ABHD13: variants seen among roughly 807,000 people sequenced by gnomAD.
ABHD13 encodes the protein abhydrolase domain containing 13.
In ABHD13, 7 loss-of-function variants were observed where a neutral mutation model predicts 25.2. The observed-to-expected ratio is 0.28, with a 90% confidence interval of 0.16 to 0.52. The LOEUF (loss-of-function observed/expected upper bound fraction) is 0.52, where lower values mean the gene tolerates loss of function less well. Among genes scored for constraint, ABHD13 ranks in the 20% least tolerant of loss-of-function variants. The pLI is 0.96. For missense variants in ABHD13, 302 were observed against 402.7 expected, an observed-to-expected ratio of 0.75 and a Z score of 2.14; for synonymous variants, 133 against 136.1, an observed-to-expected ratio of 0.98 and a Z score of 0.16.
At position 108,233,492 on chromosome 13, in the gene ABHD13, C is replaced by G. The variant is rs975252716; in HGVS notation, c.*3260C>G. ...GAGATACTGAACTCTTCCACTCATT[C>G]TTCTTTCCCATTTTCCTATTATGTT... is the stretch of plus-strand genomic sequence containing the variant. On this transcript the variant is annotated 3_prime_UTR_variant, in exon 2 of 2. Coordinates refer to ENST00000375898, the MANE Select transcript of ABHD13 (RefSeq NM_032859.3). 6.6e-6 allele frequency: 1 copy of G among 152,044 alleles called. No homozygotes were observed. Among genetic ancestry groups the G allele is most frequent in the Non-Finnish European group, 1.6e-5 (1 of 61,180 alleles). The allele number at this position is 152,044 out of a possible 1,614,324, so 9.4% of individuals were successfully genotyped here. A position where few individuals can be genotyped will look rare whatever the true frequency, so the allele number is the denominator to read the frequency against.
chr13:108,228,477 A>G (rs1007280834), intron 1 of ABHD13, among the ~76,000 whole-genome samples: 1 of 152,012 alleles, frequency 6.6e-6, no homozygotes, highest in African/African-American at 2.4e-5. Context: ...TAAATCATTA[A>G]TAATTTTCTT....
Position 108,232,512 on chromosome 13 carries a change from GT to G in ABHD13, c.*2284del, listed in dbSNP as rs1879828659. On this transcript the variant is annotated 3_prime_UTR_variant, in exon 2 of 2. Coordinates refer to ENST00000375898, the MANE Select transcript of ABHD13 (RefSeq NM_032859.3). ...GGCATCATTTTTGAAAATATTTCTA[GT>G]TTTGTAGCCAAAGCAATTGGTTTTA... The G allele has an allele frequency of 6.0e-6, 1 of 166,880 alleles. No homozygotes were observed. Among genetic ancestry groups the G allele is most frequent in the South Asian group, 2.1e-4 (1 of 4,836 alleles). The allele number at this position is 166,880 out of a possible 1,614,324, so 10.3% of individuals were successfully genotyped here.
rs1451945004 is a variant in ABHD13, at chr13:108,232,268, A to G, written c.*2036A>G. The G allele has an allele frequency of 6.0e-6, 1 of 166,872 alleles. No individual in the cohort carries two copies. Among genetic ancestry groups the G allele is most frequent in the African/African-American group, 2.4e-5 (1 of 41,430 alleles). 10.3% of individuals were successfully genotyped at this position (166,872 alleles called of 1,614,324 possible). ...TTTTGATACTCCAGGTTTATAAACT[A>G]TCTTTTAAAATTTTAAGCCAGGACT... On this transcript the variant is annotated 3_prime_UTR_variant, in exon 2 of 2. Coordinates refer to ENST00000375898, the MANE Select transcript of ABHD13 (RefSeq NM_032859.3).
Position 108,233,380 on chromosome 13 carries a change from G to C in ABHD13, c.*3148G>C, listed in dbSNP as rs1040490565. 6.0e-6 allele frequency: 1 copy of C among 166,848 alleles called. No individual in the cohort carries two copies. Among genetic ancestry groups the C allele is most frequent in the African/African-American group, 2.4e-5 (1 of 41,450 alleles). 10.3% of individuals were successfully genotyped at this position (166,848 alleles called of 1,614,324 possible). On this transcript the variant is annotated 3_prime_UTR_variant, in exon 2 of 2. Transcript: ENST00000375898. ...GCTTAAGAGCAGTTTATATTAAGGA[G>C]ACCCTTTTCTCCTTGAGGATAGGGA...
intron 1 of ABHD13, among the ~76,000 whole-genome samples, chr13:108,220,964 A>G (rs1035699476): frequency 6.6e-6 from 1 of 152,244 alleles, no homozygotes; most frequent in African/African-American, 2.4e-5. Context: ...AACATTTCAG[A>G]TATTTATAAT....
At chr13:108,224,343 CTCTT>C (rs1474813624) in intron 1 of ABHD13, among the ~76,000 whole-genome samples, 2 of 152,166 alleles carry the variant, frequency 1.3e-5, no homozygotes, top group African/African-American at 4.8e-5. Flanking sequence ...TGATGACCAT[CTCTT>C]ACGGAAGAGG....
rs1566382530 is a variant in ABHD13 at position 108,231,053 on chromosome 13, T to C, written c.*821T>C. ...TGGTGGCAAAGAGAATTTTAGCTTC[T>C]ATCGATTTTGTAAGTCTTCAGCTGA... On this transcript the variant is annotated 3_prime_UTR_variant, in exon 2 of 2. Transcript: ENST00000375898. 1 of 166,788 alleles carries C rather than the reference T, an allele frequency of 6.0e-6. No homozygotes were observed. The highest frequency in any genetic ancestry group is 1.5e-5 in the Non-Finnish European group (1 of 67,972). The allele number at this position is 166,788 out of a possible 1,614,324, so 10.3% of individuals were successfully genotyped here. A position where few individuals can be genotyped will look rare whatever the true frequency, so the allele number is the denominator to read the frequency against.
At chr13:108,220,481 C>T (rs1427936907) in intron 1 of ABHD13, among the ~76,000 whole-genome samples, 1 of 152,206 alleles carries the variant, frequency 6.6e-6, no homozygotes, top group Non-Finnish European at 1.5e-5. Context: ...ATTCTGAAAT[C>T]TTTCTAATCC....
Position 108,225,786 on chromosome 13 carries a change from T to C in ABHD13, c.-20-3413T>C, listed in dbSNP as rs181016542. 7.2e-3 allele frequency among the ~76,000 whole-genome samples: 1,098 copies of C among 152,254 alleles called. 15 individuals carry two copies. The highest frequency in any genetic ancestry group is 8.7e-3 in the Non-Finnish European group (590 of 68,030). ...GTTAAAAATACATACAATAATGATG[T>C]AAAAGAAGACTGGAAGATGAGAAGT... On this transcript the variant is annotated intron_variant, in intron 1 of 1. Coordinates refer to ENST00000375898, the MANE Select transcript of ABHD13 (RefSeq NM_032859.3).
In ABHD13 at chr13:108,228,421, C is replaced by T. The variant is rs117777356; in HGVS notation, c.-20-778C>T. 6.6e-3 allele frequency among the ~76,000 whole-genome samples: 1,005 copies of T among 151,972 alleles called. 9 individuals carry two copies. Among genetic ancestry groups the T allele is most frequent in the Non-Finnish European group, 1.0e-2 (678 of 67,888 alleles). ...AGTATATAAAAGATACTGCCGATCT[C>T]ATGACACTAGCAATATGATATTTAT... On this transcript the variant is annotated intron_variant, in intron 1 of 1. Transcript: ENST00000375898.
In ABHD13 at chr13:108,229,981, C is replaced by A; in HGVS notation, c.763C>A (p.Gln255Lys). Residue 255 changes from glutamine (Q) to lysine (K), a missense_variant, in exon 2 of 2, where the codon CAG becomes AAG. Transcript: ENST00000375898. The surrounding 1 kb of genome is among the most constrained non-coding windows in gnomAD (Gnocchi z 4.7). ...NKFLSYRKISQCRMPSLFISG... is the reference protein window; with the variant it reads ...NKFLSYRKISKCRMPSLFISG... ...ATTTTTGTCCTACAGAAAAATCTCT[C>A]AGTGTAGAATGCCTTCACTTTTCAT... The A allele has an allele frequency of 1.2e-6, 2 of 1,613,200 alleles. No homozygotes were observed. The highest frequency in any genetic ancestry group is 1.7e-6 in the Non-Finnish European group (2 of 1,179,408).
rs749263953 is a variant in ABHD13, at chr13:108,229,532, G to A, written c.314G>A (p.Arg105Gln). 5.6e-6 allele frequency: 9 copies of A among 1,613,180 alleles called. No homozygotes were observed. The highest frequency in any genetic ancestry group is 4.0e-5 in the African/African-American group (3 of 74,844). The change falls in exon 2 of 2, where the codon CGA becomes CAA. Residue 105 changes from arginine (R) to glutamine (Q), a missense_variant. By Grantham distance (43) the Arg-to-Gln change is conservative. Coordinates refer to ENST00000375898, the MANE Select transcript of ABHD13 (RefSeq NM_032859.3). This position sits in a 1 kb window ranked among gnomAD's most constrained non-coding sequence, Gnocchi z 4.7. Reference protein sequence around the residue: ...DGIRLNLILIRYTGDNSPYSP... With the variant: ...DGIRLNLILIQYTGDNSPYSP... ...ATACGTCTGAATCTTATTTTGATAC[G>A]ATACACTGGAGACAATTCACCCTAT...
intron 1 of ABHD13, among the ~76,000 whole-genome samples, chr13:108,223,279 A>C (rs1432548212): frequency 6.6e-6 from 1 of 152,220 alleles, no homozygotes; most frequent in Admixed American, 6.5e-5. Flanking sequence ...TTCATTTTCT[A>C]GTAAATATCT....
At position 108,229,066 on chromosome 13, in the gene ABHD13, T is replaced by C. The variant is rs1014957635; in HGVS notation, c.-20-133T>C. On this transcript the variant is annotated intron_variant, in intron 1 of 1. Coordinates refer to ENST00000375898, the MANE Select transcript of ABHD13 (RefSeq NM_032859.3). The surrounding 1 kb of genome is among the most constrained non-coding windows in gnomAD (Gnocchi z 4.7). The stretch of plus-strand genomic sequence containing the variant: ...GGACAAGGGAAATTATAGCAGCTAC[T>C]TTTGTGGATGGACTGTACCTATTAC... 5 of 569,378 alleles carry C rather than the reference T, an allele frequency of 8.8e-6. No individual in the cohort carries two copies. Among genetic ancestry groups the C allele is most frequent in the African/African-American group, 7.8e-5 (4 of 51,064 alleles). The allele number at this position is 569,378 out of a possible 1,614,324, so 35.3% of individuals were successfully genotyped here. A position where few individuals can be genotyped will look rare whatever the true frequency, so the allele number is the denominator to read the frequency against.
chr13:108,228,589 A>G (rs1879721446), intron 1 of ABHD13, among the ~76,000 whole-genome samples: 1 of 151,414 alleles, frequency 6.6e-6, no homozygotes, highest in African/African-American at 2.4e-5. Context: ...TTCTTTCCCT[A>G]GTTGTTTTTT....
At position 108,230,207 on chromosome 13, in the gene ABHD13, C is replaced by A; in HGVS notation, c.989C>A (p.Thr330Asn). 1.3e-6 allele frequency: 2 copies of A among 1,598,326 alleles called. No homozygotes were observed. Among genetic ancestry groups the A allele is most frequent in the Non-Finnish European group, 1.7e-6 (2 of 1,172,910 alleles). ...KSHSPEEMAK[T>N]SSNVTII is the part of the protein sequence containing the mutation. ...CATTCTCCTGAAGAAATGGCAAAAA[C>A]TTCATCTAATGTAACAATTATATAA... The change falls in exon 2 of 2, where the codon ACT becomes AAT. Residue 330 changes from threonine (T) to asparagine (N), a missense_variant. Transcript: ENST00000375898.
At chr13:108,227,747 A>G (rs1244460545) in intron 1 of ABHD13, among the ~76,000 whole-genome samples, 1 of 152,050 alleles carries the variant, frequency 6.6e-6, no homozygotes, top group African/African-American at 2.4e-5. Context: ...ATAGGTAAGC[A>G]TTTTAAAAAC....
chr13:108,223,664 G>A (rs1350673597), intron 1 of ABHD13, among the ~76,000 whole-genome samples: 1 of 152,174 alleles, frequency 6.6e-6, no homozygotes, highest in African/African-American at 2.4e-5. Context: ...TGCATCATTA[G>A]TGCAAGTGTC....
chr13:108,221,470 A>G (rs1037063212), intron 1 of ABHD13, among the ~76,000 whole-genome samples: 4 of 152,200 alleles, frequency 2.6e-5, no homozygotes, highest in African/African-American at 9.6e-5. Flanking sequence ...TAATGAGCCC[A>G]TGGGGTGTGG....
Sources: gnomAD v4.1 joint callset for allele counts (sites outside exome capture counted in the v4.1 genomes callset) on GRCh38, gnomAD v4.1.1 for gene constraint, Gnocchi (gnomAD v3.1) non-coding constraint, MANE v1.5 for transcripts, NCBI Gene and HGNC (gene_info 2026-07-23, HGNC 2026-07-21) for gene names.